HGD: variants seen among roughly 807,000 people sequenced by gnomAD.
HGD encodes homogentisate 1,2-dioxygenase.
A neutral mutation model predicts 60.8 loss-of-function variants in HGD; 61 were observed. The observed-to-expected ratio is 1.00, with a 90% CI of 0.82 to 1.24. The LOEUF is 1.24. HGD is among the 50% of genes most tolerant of loss of function. The pLI, the probability that HGD is intolerant of heterozygous loss-of-function variation, is 0.00. For synonymous variants in HGD, 212 were observed against 187.7 expected (o/e 1.13, Z -1.06); for missense variants, 542 against 547.1 (o/e 0.99, Z 0.09).
intron 4 of HGD, among the ~76,000 whole-genome samples, chr3:120,654,858 G>T (rs1941447304): frequency 6.6e-6 from 1 of 152,102 alleles, no homozygotes; most frequent in African/African-American, 2.4e-5. Context: ...GGATCATGAG[G>T]TCAGGAGTTC....
At chr3:120,635,795 G>A (rs1940752193) in intron 12 of HGD, among the ~76,000 whole-genome samples, 1 of 152,100 alleles carries the variant, frequency 6.6e-6, no homozygotes, top group Non-Finnish European at 1.5e-5. Context: ...GTGTCAGCAA[G>A]TCTGAACTAC....
chr3:120,647,013 C>T lies in HGD; in HGVS notation c.509G>A (p.Gly170Asp). The T allele has an allele frequency of 6.2e-7, 1 of 1,614,016 alleles. No homozygotes were observed. Among genetic ancestry groups the T allele is most frequent in the East Asian group, 2.2e-5 (1 of 44,862 alleles). ...KGNLLIYTEF[G>D]KMLVQPNEIC... Reference sequence around the variant, plus strand: ...CTCATTGGGCTGTACAAGCATCTTGCCAAACTCGGTGTAAATGAGAAGGTT... The same window carrying T: ...CTCATTGGGCTGTACAAGCATCTTGTCAAACTCGGTGTAAATGAGAAGGTT... Residue 170 changes from glycine to aspartate, a missense_variant, in exon 8 of 14, where the codon GGC becomes GAC. Physicochemically the swap from Gly to Asp is moderately conservative, Grantham distance 94. Around this residue, in one of 2 missense-constraint regions of HGD, gnomAD observed 537 missense variants for 529.1 expected, o/e 1.01. Coordinates refer to ENST00000283871, the MANE Select transcript of HGD (RefSeq NM_000187.4).
chr3:120,681,259 G>A (rs894201957), intron 1 of HGD, among the ~76,000 whole-genome samples: 1 of 152,220 alleles, frequency 6.6e-6, no homozygotes, highest in Admixed American at 6.5e-5. Flanking sequence ...AAGGTTCTGG[G>A]CAGTTCTGTT....
chr3:120,644,446 A>G lies in HGD; in HGVS notation c.650-3T>C. The G allele has an allele frequency of 6.2e-7, 1 of 1,614,118 alleles. No homozygotes were observed. The highest frequency in any genetic ancestry group is 8.5e-7 in the Non-Finnish European group (1 of 1,180,006). ...AGGATTGGCCAAGCCATTGGCCCCT[A>G]GAAAACAGTAACCCAAAAGTCTTTT... is the stretch of plus-strand genomic sequence containing the variant. On this transcript the variant is annotated splice_region_variant and splice_polypyrimidine_tract_variant and intron_variant, in intron 9 of 13. Transcript: ENST00000283871.
chr3:120,672,539 G>A (rs1708045840), intron 3 of HGD, among the ~76,000 whole-genome samples: 2 of 152,126 alleles, frequency 1.3e-5, no homozygotes, highest in Admixed American at 1.3e-4. Context: ...AGCCATCTGG[G>A]GGAAAAAGGG....
intron 1 of HGD, among the ~76,000 whole-genome samples, chr3:120,676,310 A>C (rs1488214210): frequency 6.6e-6 from 1 of 152,248 alleles, no homozygotes. Flanking sequence ...GAACACATCT[A>C]TATTTGTGCG....
intron 12 of HGD, among the ~76,000 whole-genome samples, chr3:120,637,711 C>T (rs1940828629): frequency 1.3e-5 from 2 of 152,138 alleles, no homozygotes; most frequent in African/African-American, 2.4e-5. Flanking sequence ...AACTAACAAC[C>T]TCCCCAGTAT....
chr3:120,647,768 A>G, intron 7 of HGD, 109 bp downstream of exon 7: 2 of 961,928 alleles, frequency 2.1e-6, no homozygotes. Flanking sequence ...GCACTAAATG[A>G]AATAAGACAG....
intron 6 of HGD, among the ~76,000 whole-genome samples, chr3:120,648,140 G>A (rs1941221827): frequency 6.6e-6 from 1 of 152,092 alleles, no homozygotes; most frequent in Non-Finnish European, 1.5e-5. Context: ...TAATGACCCT[G>A]TGAAAATCAA....
intron 1 of HGD, among the ~76,000 whole-genome samples, chr3:120,679,247 G>C (rs144393595): frequency 0.013 from 1,930 of 152,230 alleles, 26 homozygotes; most frequent in South Asian, 0.068. Flanking sequence ...TCCTGACTCT[G>C]ATTCTAGGTA....
chr3:120,670,321 C>A, intron 4 of HGD, 106 bp downstream of exon 4: 1 of 752,470 alleles, frequency 1.3e-6, no homozygotes, highest in Non-Finnish European at 2.4e-6. Context: ...TAAAATAATA[C>A]TTTAAAAAAC....
intron 10 of HGD, 73 bp from the exon 11 acceptor site, chr3:120,641,766 T>C (rs560608926): frequency 2.7e-5 from 25 of 913,438 alleles, no homozygotes; most frequent in African/African-American, 6.5e-5. Context: ...CAATATGTAC[T>C]GAGTATACCT....
At chr3:120,672,190 G>A (rs1278454726) in intron 3 of HGD, among the ~76,000 whole-genome samples, 1 of 152,118 alleles carries the variant, frequency 6.6e-6, no homozygotes, top group Non-Finnish European at 1.5e-5. Context: ...AAAATTATAA[G>A]AGTGTATGTC....
chr3:120,658,070 A>G (rs1430677028), intron 4 of HGD, among the ~76,000 whole-genome samples: 4 of 152,186 alleles, frequency 2.6e-5, no homozygotes, highest in Non-Finnish European at 5.9e-5. Flanking sequence ...GATCCAAACC[A>G]TATTATTCTG....
chr3:120,634,492 A>T (rs1940695530), intron 12 of HGD, among the ~76,000 whole-genome samples: 1 of 152,116 alleles, frequency 6.6e-6, no homozygotes, highest in Admixed American at 6.6e-5. Context: ...CTGCCCATCC[A>T]GTTAGCCAGC....
intron 9 of HGD, chr3:120,644,737 A>C (rs1941107044): frequency 2.7e-6 from 2 of 737,570 alleles, no homozygotes; most frequent in Non-Finnish European, 4.1e-6. Context: ...GGAAGGGAAG[A>C]GAGAAAGAGA....
intron 5 of HGD, 23 bp downstream of exon 5, chr3:120,652,569 G>A (rs1488558105): frequency 6.4e-7 from 1 of 1,570,756 alleles, no homozygotes; most frequent in Non-Finnish European, 8.8e-7. Context: ...GCAGTAGGGA[G>A]GGTGTGGATG....
At chr3:120,642,281 C>G (rs1233383683) in intron 10 of HGD, among the ~76,000 whole-genome samples, 2 of 152,100 alleles carry the variant, frequency 1.3e-5, no homozygotes, top group Admixed American at 1.3e-4. Flanking sequence ...CCTTCTGTAT[C>G]TATGGGTCCG....
rs1224185972 is a variant in HGD, at chr3:120,638,454, C to T, written c.1006+1G>A. On this transcript the variant is annotated splice_donor_variant, in intron 12 of 13. Coordinates refer to ENST00000283871, the MANE Select transcript of HGD (RefSeq NM_000187.4). LOFTEE classifies it high-confidence loss of function. Reference sequence around the variant, plus strand: ...TGTGGCTTGGTAAAAGAGAGACTTACTATGGTAATAAGGAGGCCTGAAGGT... The same window carrying T: ...TGTGGCTTGGTAAAAGAGAGACTTATTATGGTAATAAGGAGGCCTGAAGGT... The T allele has an allele frequency of 1.2e-6, 2 of 1,613,794 alleles. No homozygotes were observed. The highest frequency in any genetic ancestry group is 1.7e-6 in the Non-Finnish European group (2 of 1,179,854).
Sources: allele counts gnomAD v4.1 joint callset (sites outside exome capture counted in the v4.1 genomes callset), GRCh38; gene constraint gnomAD v4.1.1; regional missense constraint gnomAD v4.1.1; transcripts MANE v1.5; gene names NCBI Gene and HGNC (gene_info 2026-07-23, HGNC 2026-07-21).